Variants in NBPF8 observed in about 807,000 individuals in gnomAD.
The protein encoded by NBPF8 is NBPF member 8, also known as NBPF family member NBPF8.
chr1:120,468,505 G>A (rs1257993812), downstream of NBPF8, among the ~76,000 whole-genome samples: 6 of 147,062 alleles, frequency 4.1e-5, no homozygotes, highest in Non-Finnish European at 7.4e-5. Flanking sequence ...CCTCCTTGGG[G>A]GACATACATG....
At chr1:120,431,240 T>A (rs1187795793) in intron 3 of NBPF8, among the ~76,000 whole-genome samples, 2 of 113,992 alleles carry the variant, frequency 1.8e-5, no homozygotes, top group South Asian at 2.7e-4. Context: ...TATACACACA[T>A]ACACACACAA....
intron 1 of NBPF8, among the ~76,000 whole-genome samples, chr1:120,422,022 A>T (rs1291105633): frequency 1.3e-5 from 2 of 152,002 alleles, no homozygotes. Flanking sequence ...CAATAACAGG[A>T]TGCCACCAAA....
chr1:120,464,529 C>T lies in NBPF8; in HGVS notation n.3440C>T, dbSNP rs1267021024. On this transcript the variant is annotated non_coding_transcript_exon_variant, in exon 23 of 25. Coordinates refer to ENST00000583271, the Ensembl canonical transcript of NBPF8. Reference sequence around the variant, plus strand: ...ATGCATTGGAGGAAAAACATGTTGGCTTTTCTCTTGACGTGGGAGGTGAGT... The same window carrying T: ...ATGCATTGGAGGAAAAACATGTTGGTTTTTCTCTTGACGTGGGAGGTGAGT... 2.3e-5 allele frequency: 21 copies of T among 908,458 alleles called. No individual in the cohort carries two copies. In the East Asian group the frequency reaches 4.8e-4, roughly 21 times the overall value. The allele number at this position is 908,458 out of a possible 1,614,324, so 56.3% of individuals were successfully genotyped here. A position where few individuals can be genotyped will look rare whatever the true frequency, so the allele number is the denominator to read the frequency against.
At chr1:120,459,989 T>C (rs1287012604) in intron 17 of NBPF8, among the ~76,000 whole-genome samples, 74 of 152,168 alleles carry the variant, frequency 4.9e-4, no homozygotes, top group African/African-American at 1.7e-3. Flanking sequence ...GTGACCCAGG[T>C]TTCACTGAAT....
downstream of NBPF8, among the ~76,000 whole-genome samples, chr1:120,468,877 G>C (rs1393903269): frequency 6.6e-6 from 1 of 151,554 alleles, no homozygotes; most frequent in Non-Finnish European, 1.5e-5. Flanking sequence ...CTGCCGTCGT[G>C]TGGCTCCCAG....
chr1:120,415,038 C>G (rs1660389265), upstream of NBPF8, among the ~76,000 whole-genome samples: 3 of 152,094 alleles, frequency 2.0e-5, no homozygotes, highest in African/African-American at 7.2e-5. Flanking sequence ...ACGCGCCGAG[C>G]GGGACCCTGA....
chr1:120,466,058 T>C, exon 25 of NBPF8: 1 of 1,611,996 alleles, frequency 6.2e-7, no homozygotes, highest in Non-Finnish European at 8.5e-7. Context: ...ACTCCATCAA[T>C]GTACTGTGAA....
intron 20 of NBPF8, 94 bp from the exon 19 acceptor site, chr1:120,462,700 T>A (rs1413623582): frequency 2.6e-5 from 6 of 232,998 alleles, no homozygotes; most frequent in South Asian, 1.5e-4. Context: ...TTTTTCTTTT[T>A]AAACAGTTCC....
At chr1:120,418,372 AT>A (rs1660483090), upstream of NBPF8, among the ~76,000 whole-genome samples, 5 of 82,688 alleles carry the variant, frequency 6.0e-5, no homozygotes, top group South Asian at 2.0e-3. Flanking sequence ...TCTTTTTACA[AT>A]TTTTACAATC....
intron 1 of NBPF8, among the ~76,000 whole-genome samples, 88 bp downstream of exon 2, chr1:120,420,206 C>T (rs1285732500): frequency 5.3e-5 from 8 of 151,668 alleles, no homozygotes; most frequent in African/African-American, 1.9e-4. Flanking sequence ...ATGCCAAGGG[C>T]CCTAAACATC....
chr1:120,424,703 C>T (rs1320657016), intron 1 of NBPF8, among the ~76,000 whole-genome samples: 4 of 146,360 alleles, frequency 2.7e-5, no homozygotes, highest in African/African-American at 1.0e-4. Context: ...CTGCCTTGGC[C>T]TCTCAAAGTG....
At chr1:120,465,876 T>C in intron 24 of NBPF8, 102 bp from the exon 23 acceptor site, 1 of 1,610,900 alleles carries the variant, frequency 6.2e-7, no homozygotes. Flanking sequence ...ATCTGTCCTT[T>C]TTCTTTTCTA....
At chr1:120,454,546 T>A (rs1661379655) in intron 15 of NBPF8, among the ~76,000 whole-genome samples, 1 of 152,098 alleles carries the variant, frequency 6.6e-6, no homozygotes, top group Admixed American at 6.5e-5. Context: ...CTGGATCTCC[T>A]TTAAGTCAGC....
intron 18 of NBPF8, among the ~76,000 whole-genome samples, 188 bp downstream of exon 16, chr1:120,460,812 A>G (rs1661563367): frequency 6.6e-6 from 1 of 151,772 alleles, no homozygotes; most frequent in African/African-American, 2.4e-5. Context: ...TACCCTTATC[A>G]TTTACTAACC....
At chr1:120,450,136 A>T (rs1661221851) in intron 11 of NBPF8, among the ~76,000 whole-genome samples, 1 of 152,150 alleles carries the variant, frequency 6.6e-6, no homozygotes, top group African/African-American at 2.4e-5. Context: ...CTGAGGCAGG[A>T]GAATCCTTTG....
chr1:120,452,178 C>T (rs1553248967), exon 13 of NBPF8: 108 of 1,595,092 alleles, frequency 6.8e-5, no homozygotes, highest in South Asian at 3.4e-4. Context: ...GGAGAAGTTG[C>T]GGGAAGGGAG....
At position 120,436,666 on chromosome 1, in the gene NBPF8, C is replaced by A. The variant is rs1316344083; in HGVS notation, n.314C>A. On this transcript the variant is annotated non_coding_transcript_exon_variant, in exon 1 of 25. Coordinates refer to ENST00000583271, the Ensembl canonical transcript of NBPF8. The stretch of plus-strand genomic sequence containing the variant: ...AGAGATGTTTTCTAACTCAACTGGC[C>A]GGCTTCCTGGCCAACCGACAGAAGA... 13 of 1,587,324 alleles carry A rather than the reference C, an allele frequency of 8.2e-6. No individual in the cohort carries two copies. In the East Asian group the frequency reaches 2.7e-4, roughly 33 times the overall value.
chr1:120,421,405 TTC>T (rs1197401976), intron 1 of NBPF8, among the ~76,000 whole-genome samples: 11 of 150,952 alleles, frequency 7.3e-5, no homozygotes, highest in Non-Finnish European at 1.0e-4. Flanking sequence ...CCCACTCTTT[TTC>T]TCTCTCTCTT....
chr1:120,454,389 C>T (rs1195650993), intron 15 of NBPF8, among the ~76,000 whole-genome samples: 9 of 151,876 alleles, frequency 5.9e-5, no homozygotes, highest in Non-Finnish European at 1.2e-4. Flanking sequence ...CTCCTAGCTT[C>T]GATTCAGTAT....
Sources: allele counts gnomAD v4.1 joint callset (sites outside exome capture counted in the v4.1 genomes callset), GRCh38; gene constraint gnomAD v4.1.1; transcripts MANE v1.5; gene names NCBI Gene and HGNC (gene_info 2026-07-23, HGNC 2026-07-21).